Variants in KCTD9 observed in about 807,000 individuals in gnomAD.
KCTD9 encodes BTB/POZ domain-containing protein KCTD9.
In KCTD9, 17 loss-of-function variants were observed where a neutral mutation model predicts 53.3. That is an observed-to-expected ratio of 0.32 (90% CI 0.22 to 0.48). The LOEUF is 0.48. Among genes scored for constraint, KCTD9 ranks in the 20% least tolerant of loss-of-function variants. KCTD9 has a pLI of 0.99. For synonymous variants in KCTD9, 128 were observed against 162.7 expected (o/e 0.79, Z 1.62); for missense variants, 179 against 465.5 (o/e 0.38, Z 5.66).
At chr8:25,445,975 C>A in intron 2 of KCTD9, 154 bp downstream of exon 2, 2 of 864,018 alleles carry the variant, frequency 2.3e-6, no homozygotes, top group South Asian at 1.9e-5. Context: ...TCACCTTAAG[C>A]CCAAATGATT....
intron 3 of KCTD9, among the ~76,000 whole-genome samples, chr8:25,443,986 GA>G (rs749982736): frequency 1.3e-5 from 2 of 151,964 alleles, no homozygotes; most frequent in Admixed American, 6.6e-5. Flanking sequence ...CACCATCAAA[GA>G]AAAAATTTTC....
At chr8:25,450,795 T>G (rs369413115) in intron 1 of KCTD9, among the ~76,000 whole-genome samples, 12 of 152,286 alleles carry the variant, frequency 7.9e-5, no homozygotes, top group African/African-American at 2.9e-4. Context: ...CCTGCTAAGT[T>G]TTTTGCTTTA....
intron 1 of KCTD9, among the ~76,000 whole-genome samples, chr8:25,453,040 C>T (rs1358817107): frequency 6.6e-6 from 1 of 152,104 alleles, no homozygotes; most frequent in Non-Finnish European, 1.5e-5. Flanking sequence ...ATTTGAGATA[C>T]CGTATGTCCC....
intron 1 of KCTD9, 39 bp downstream of exon 1, chr8:25,458,160 C>G (rs1238409854): frequency 6.5e-7 from 1 of 1,531,482 alleles, no homozygotes; most frequent in Non-Finnish European, 8.9e-7. Flanking sequence ...GCCCTCGCCC[C>G]GACCCCCGGC....
intron 1 of KCTD9, among the ~76,000 whole-genome samples, chr8:25,452,787 A>T (rs1802352476): frequency 6.6e-6 from 1 of 152,266 alleles, no homozygotes; most frequent in Non-Finnish European, 1.5e-5. Flanking sequence ...GTATTTGTAT[A>T]ACATGTACTT....
rs1802076539 is a variant in KCTD9 at position 25,439,410 on chromosome 8, G to A, written c.371-3C>T. The stretch of plus-strand genomic sequence containing the variant: ...ATCTTGCTTATTTCCCCAGACACCT[G>A]TGTCACCATTATAATAAAGAAAGTC... On this transcript the variant is annotated splice_polypyrimidine_tract_variant and splice_region_variant and intron_variant, in intron 5 of 11. Coordinates refer to ENST00000221200, the MANE Select transcript of KCTD9 (RefSeq NM_017634.4). The A allele has an allele frequency of 6.2e-7, 1 of 1,603,118 alleles. No individual in the cohort carries two copies. The highest frequency in any genetic ancestry group is 8.5e-7 in the Non-Finnish European group (1 of 1,176,388).
At chr8:25,453,056 T>A (rs1802358886) in intron 1 of KCTD9, among the ~76,000 whole-genome samples, 1 of 152,164 alleles carries the variant, frequency 6.6e-6, no homozygotes, top group Non-Finnish European at 1.5e-5. Context: ...GTCCCGAAGC[T>A]GATTTTTTAA....
At chr8:25,457,200 C>T (rs192593749) in intron 1 of KCTD9, 60 of 204,564 alleles carry the variant, frequency 2.9e-4, no homozygotes, top group African/African-American at 1.3e-3. Flanking sequence ...ATTTTTAATG[C>T]CACTGGACAA....
At chr8:25,457,891 A>C in intron 1 of KCTD9, 1 of 221,648 alleles carries the variant, frequency 4.5e-6, no homozygotes, top group Non-Finnish European at 8.8e-6. Flanking sequence ...CGCCCAGGTG[A>C]CCGCGGCCCT....
chr8:25,450,190 T>C (rs1802293147), intron 1 of KCTD9, among the ~76,000 whole-genome samples: 1 of 152,226 alleles, frequency 6.6e-6, no homozygotes, highest in South Asian at 2.1e-4. Context: ...TATCACTAAA[T>C]ATTTTCTAAT....
intron 8 of KCTD9, 64 bp downstream of exon 8, chr8:25,436,171 G>C: frequency 9.9e-7 from 1 of 1,010,232 alleles, no homozygotes; most frequent in Non-Finnish European, 1.6e-6. Flanking sequence ...AACACTAGAA[G>C]AATGTAAAAT....
intron 1 of KCTD9, among the ~76,000 whole-genome samples, chr8:25,452,466 T>C (rs1485424694): frequency 6.6e-6 from 1 of 152,214 alleles, no homozygotes; most frequent in African/African-American, 2.4e-5. Flanking sequence ...GGTTCTCAAA[T>C]GTGTGATCCT....
chr8:25,437,492 C>A (rs1802038960), intron 6 of KCTD9, among the ~76,000 whole-genome samples: 1 of 152,000 alleles, frequency 6.6e-6, no homozygotes, highest in African/African-American at 2.4e-5. Context: ...CTGGCCAACA[C>A]ATGGTGAAAC....
intron 10 of KCTD9, 81 bp downstream of exon 10, chr8:25,433,249 C>T (rs1801961090): frequency 2.7e-6 from 2 of 735,838 alleles, no homozygotes; most frequent in South Asian, 1.9e-5. Context: ...CCTGTTTCAC[C>T]CTTAACAATT....
chr8:25,453,175 G>A (rs527639728), intron 1 of KCTD9, among the ~76,000 whole-genome samples: 14 of 152,148 alleles, frequency 9.2e-5, no homozygotes, highest in African/African-American at 3.4e-4. Context: ...TGACCAACAT[G>A]GTGAAACCCC....
chr8:25,430,121 C>G (rs1329011191), intron 11 of KCTD9, 148 bp from the exon 12 acceptor site: 1 of 629,060 alleles, frequency 1.6e-6, no homozygotes, highest in Non-Finnish European at 2.9e-6. Flanking sequence ...GATACACCAC[C>G]CTAAATTAAG....
At chr8:25,439,091 G>A (rs376324166) in intron 6 of KCTD9, among the ~76,000 whole-genome samples, 188 bp downstream of exon 6, 4 of 152,134 alleles carry the variant, frequency 2.6e-5, no homozygotes, top group East Asian at 1.9e-4. Flanking sequence ...CCACCTGCCC[G>A]TGCCTAAATC....
intron 11 of KCTD9, among the ~76,000 whole-genome samples, chr8:25,430,174 C>A (rs1256372973): frequency 6.6e-6 from 1 of 152,140 alleles, no homozygotes. Flanking sequence ...TCAGGCTGAT[C>A]ACCATAAATA....
At chr8:25,446,039 A>G in intron 2 of KCTD9, 90 bp downstream of exon 2, 1 of 1,509,144 alleles carries the variant, frequency 6.6e-7, no homozygotes, top group Non-Finnish European at 9.0e-7. Context: ...CTGTACTCTT[A>G]ACAGTGATTA....
Sources: allele counts gnomAD v4.1 joint callset (sites outside exome capture counted in the v4.1 genomes callset), GRCh38; gene constraint gnomAD v4.1.1; transcripts MANE v1.5; gene names NCBI Gene and HGNC (gene_info 2026-07-23, HGNC 2026-07-21).